The following OXR1 variants were observed in gnomAD, a reference collection of about 807,000 sequenced individuals.
OXR1 encodes the protein oxidation resistance 1.
OXR1 carries 41 observed loss-of-function variants against 104.6 expected under a neutral mutation model. The observed-to-expected ratio is 0.39, with a 90% CI of 0.31 to 0.51. The LOEUF (loss-of-function observed/expected upper bound fraction) is 0.51. Ranked by LOEUF, OXR1 falls within the 20% of genes least tolerant of loss-of-function variation. The pLI is 0.77. For missense variants in OXR1, 955 were observed against 1,031.9 expected (o/e 0.93, Z 1.02); for synonymous variants, 348 against 348.4 (o/e 1.00, Z 0.01).
At chr8:106,397,075 G>A (rs1228933664) in intron 2 of OXR1, among the ~76,000 whole-genome samples, 3 of 152,008 alleles carry the variant, frequency 2.0e-5, no homozygotes, top group Non-Finnish European at 4.4e-5. Flanking sequence ...ATTGCATTGA[G>A]TATCCTGGAA....
At chr8:106,736,054 A>G (rs1229546932) in intron 11 of OXR1, among the ~76,000 whole-genome samples, 1 of 152,178 alleles carries the variant, frequency 6.6e-6, no homozygotes, top group African/African-American at 2.4e-5. Context: ...TCAGTCCTTA[A>G]TATGCATTTC....
chr8:106,284,365 G>C (rs1812407545), intron 1 of OXR1, among the ~76,000 whole-genome samples: 1 of 152,064 alleles, frequency 6.6e-6, no homozygotes, highest in African/African-American at 2.4e-5. Flanking sequence ...TCTGGGGCAA[G>C]GTGAGTGTGG....
At chr8:106,280,024 G>A (rs1463235407) in intron 1 of OXR1, among the ~76,000 whole-genome samples, 5 of 152,094 alleles carry the variant, frequency 3.3e-5, no homozygotes, top group Admixed American at 2.6e-4. Context: ...AGAGTTTGGG[G>A]GAAGAATAGG....
At chr8:106,487,828 G>C (rs1228604769) in intron 2 of OXR1, among the ~76,000 whole-genome samples, 2 of 151,542 alleles carry the variant, frequency 1.3e-5, no homozygotes, top group Non-Finnish European at 2.9e-5. Context: ...ATCATTGTTG[G>C]ACATTTGGGT....
intron 2 of OXR1, among the ~76,000 whole-genome samples, chr8:106,386,998 C>T (rs1817399299): frequency 6.6e-6 from 1 of 152,078 alleles, no homozygotes; most frequent in Non-Finnish European, 1.5e-5. Context: ...TTCAGTAAGC[C>T]AGCAATGGCA....
At chr8:106,631,244 A>G (rs1313208228) in intron 3 of OXR1, among the ~76,000 whole-genome samples, 1 of 152,196 alleles carries the variant, frequency 6.6e-6, no homozygotes, top group Non-Finnish European at 1.5e-5. Flanking sequence ...TTCCACATCT[A>G]TATAAATAGA....
intron 7 of OXR1, among the ~76,000 whole-genome samples, chr8:106,701,153 A>G (rs901148729): frequency 6.6e-6 from 1 of 152,154 alleles, no homozygotes; most frequent in African/African-American, 2.4e-5. Context: ...AAAGAGAAAT[A>G]GGCTGTAGTT....
At chr8:106,550,702 C>T (rs879310316) in intron 3 of OXR1, among the ~76,000 whole-genome samples, 1 of 152,060 alleles carries the variant, frequency 6.6e-6, no homozygotes, top group Admixed American at 6.6e-5. Context: ...TAAGACATGC[C>T]TCTTCCCCTT....
chr8:106,530,892 G>A (rs958105459), intron 3 of OXR1, among the ~76,000 whole-genome samples: 2 of 152,148 alleles, frequency 1.3e-5, no homozygotes, highest in South Asian at 2.1e-4. Flanking sequence ...GAAGATATTA[G>A]GTTCAGCAAT....
intron 2 of OXR1, among the ~76,000 whole-genome samples, chr8:106,425,586 G>A (rs12545724): frequency 0.12 from 18,116 of 152,084 alleles, 1,507 homozygotes; most frequent in East Asian, 0.42. Context: ...ATGGTAAAAG[G>A]GACACACCAT....
At chr8:106,440,242 T>C (rs1431518275) in intron 2 of OXR1, among the ~76,000 whole-genome samples, 1 of 152,094 alleles carries the variant, frequency 6.6e-6, no homozygotes, top group Admixed American at 6.6e-5. Context: ...CAAAAAGCTA[T>C]GGTCTAATAG....
intron 3 of OXR1, among the ~76,000 whole-genome samples, chr8:106,660,270 T>G (rs969709258): frequency 1.3e-5 from 2 of 152,252 alleles, no homozygotes. Context: ...ATGAGAATTC[T>G]GTGCTTTGCA....
At chr8:106,325,857 A>G (rs1814448585) in intron 1 of OXR1, among the ~76,000 whole-genome samples, 1 of 152,248 alleles carries the variant, frequency 6.6e-6, no homozygotes, top group Non-Finnish European at 1.5e-5. Flanking sequence ...AATTAAGTTT[A>G]CTATAAGGTA....
At chr8:106,705,548 A>G (rs1381300613) in intron 8 of OXR1, among the ~76,000 whole-genome samples, 3 of 152,160 alleles carry the variant, frequency 2.0e-5, no homozygotes, top group Admixed American at 6.5e-5. Flanking sequence ...CTATGTATGT[A>G]TAAATGTTAA....
chr8:106,498,246 A>T (rs917751780), intron 2 of OXR1, among the ~76,000 whole-genome samples: 20 of 152,320 alleles, frequency 1.3e-4, no homozygotes, highest in African/African-American at 4.8e-4. Context: ...TATTAACACC[A>T]AACATTTTTC....
At chr8:106,511,915 G>A (rs535420717) in intron 2 of OXR1, among the ~76,000 whole-genome samples, 1 of 152,032 alleles carries the variant, frequency 6.6e-6, no homozygotes, top group Non-Finnish European at 1.5e-5. Context: ...TCTACCAATA[G>A]GACATATGCT....
chr8:106,597,758 C>T (rs185836607), intron 3 of OXR1, among the ~76,000 whole-genome samples: 5 of 152,314 alleles, frequency 3.3e-5, no homozygotes, highest in African/African-American at 4.8e-5. Context: ...CATTGCCCCT[C>T]GGATTCCCCA....
chr8:106,599,615 A>C (rs1350748573), intron 3 of OXR1, among the ~76,000 whole-genome samples: 1 of 152,242 alleles, frequency 6.6e-6, no homozygotes, highest in East Asian at 1.9e-4. Context: ...GTTAGATTTC[A>C]TGTGCTAGAA....
intron 2 of OXR1, among the ~76,000 whole-genome samples, chr8:106,428,156 G>A (rs1819209431): frequency 6.6e-6 from 1 of 152,168 alleles, no homozygotes; most frequent in Admixed American, 6.6e-5. Flanking sequence ...GAACTGGGAA[G>A]CACAGGGATA....
Sources: gnomAD v4.1 joint callset for allele counts (sites outside exome capture counted in the v4.1 genomes callset) on GRCh38, gnomAD v4.1.1 for gene constraint, MANE v1.5 for transcripts, NCBI Gene and HGNC (gene_info 2026-07-23, HGNC 2026-07-21) for gene names.